The following FARP1 variants were observed in gnomAD, a reference collection of about 807,000 sequenced individuals.
FARP1 encodes FERM, ARHGEF and pleckstrin domain-containing protein 1.
FARP1 carries 52 observed loss-of-function variants against 128.8 expected under a neutral mutation model. That is an observed-to-expected ratio of 0.40 (90% CI 0.32 to 0.51). The LOEUF is 0.51. Among genes scored for constraint, FARP1 ranks in the 20% least tolerant of loss-of-function variants. The pLI, the probability that FARP1 is intolerant of heterozygous loss-of-function variation, is 0.45. For synonymous variants in FARP1, 580 were observed against 551.8 expected, an observed-to-expected ratio of 1.05 and a Z score of -0.72; for missense variants, 1,333 against 1,367.9, an observed-to-expected ratio of 0.97 and a Z score of 0.40.
intron 13 of FARP1, chr13:98,398,277 C>A (rs558994622): frequency 6.6e-6 from 1 of 152,118 alleles, no homozygotes; most frequent in African/African-American, 2.4e-5. Flanking sequence ...ATTGTTGGAT[C>A]GTTTGAGAGT....
At chr13:98,201,006 T>C (rs1365638689) in intron 1 of FARP1, among the ~76,000 whole-genome samples, 5 of 152,374 alleles carry the variant, frequency 3.3e-5, no homozygotes, top group African/African-American at 4.8e-5. Flanking sequence ...GTAATTGGGA[T>C]AGCCATTGTC....
intron 1 of FARP1, among the ~76,000 whole-genome samples, chr13:98,200,945 G>A (rs1233459884): frequency 6.6e-6 from 1 of 152,076 alleles, no homozygotes; most frequent in Non-Finnish European, 1.5e-5. Flanking sequence ...TATTTTTGAG[G>A]TACATGTGAT....
intron 2 of FARP1, among the ~76,000 whole-genome samples, chr13:98,343,505 A>G (rs1325556908): frequency 6.6e-6 from 1 of 152,244 alleles, no homozygotes; most frequent in Non-Finnish European, 1.5e-5. Flanking sequence ...GATTAATTGA[A>G]TAAGGTGGGA....
chr13:98,375,351 A>T (rs887677247), intron 5 of FARP1, among the ~76,000 whole-genome samples: 5 of 152,172 alleles, frequency 3.3e-5, no homozygotes, highest in African/African-American at 1.2e-4. Context: ...TAATTCTATT[A>T]TTCTTGCTAT....
chr13:98,148,891 C>CT (rs112202329), intron 1 of FARP1, among the ~76,000 whole-genome samples: 3,645 of 145,978 alleles, frequency 0.025, 53 homozygotes, highest in African/African-American at 0.055. Flanking sequence ...CTCTCTTTTA[C>CT]TTTTTTTTTT....
intron 5 of FARP1, among the ~76,000 whole-genome samples, chr13:98,375,090 G>T (rs1381836393): frequency 6.6e-6 from 1 of 152,224 alleles, no homozygotes; most frequent in Non-Finnish European, 1.5e-5. Flanking sequence ...ATTCATTCTA[G>T]GGCTTGACTG....
At chr13:98,252,180 G>A (rs1037219182) in intron 2 of FARP1, among the ~76,000 whole-genome samples, 1 of 152,098 alleles carries the variant, frequency 6.6e-6, no homozygotes, top group African/African-American at 2.4e-5. Context: ...TTAATAATAT[G>A]TATTATATTA....
At position 98,450,032 on chromosome 13, in the gene FARP1, T is replaced by A. The variant is rs1893111947; in HGVS notation, c.*1715T>A. The A allele has an allele frequency of 7.1e-6, 1 of 139,940 alleles. No homozygotes were observed. The highest frequency in any genetic ancestry group is 1.6e-5 in the Non-Finnish European group (1 of 61,738). 8.7% of individuals were successfully genotyped at this position (139,940 alleles called of 1,614,324 possible). A position where few individuals can be genotyped will look rare whatever the true frequency, so the allele number is the denominator to read the frequency against. On this transcript the variant is annotated 3_prime_UTR_variant, in exon 27 of 27. Coordinates refer to ENST00000319562, the MANE Select transcript of FARP1 (RefSeq NM_005766.4). ...ACAAGGCAGTCTCCTCAGCTATTTA[T>A]TTCTGAATGATTGATTGATTCCAAA...
chr13:98,377,746 C>T, intron 5 of FARP1, 75 bp from the exon 6 acceptor site: 3 of 1,059,098 alleles, frequency 2.8e-6, no homozygotes, highest in African/African-American at 1.6e-5. Flanking sequence ...TCTCCTTGGC[C>T]TCTCATGGTG....
At chr13:98,324,855 GAC>G (rs1404904650) in intron 2 of FARP1, among the ~76,000 whole-genome samples, 1 of 152,220 alleles carries the variant, frequency 6.6e-6, no homozygotes, top group African/African-American at 2.4e-5. Context: ...ACACAGCGAA[GAC>G]CTTCTGACCT....
chr13:98,346,700 G>T (rs1183543244), intron 3 of FARP1, among the ~76,000 whole-genome samples: 1 of 152,056 alleles, frequency 6.6e-6, no homozygotes, highest in African/African-American at 2.4e-5. Context: ...AGCTGAGATC[G>T]TTCCACTGCA....
intron 2 of FARP1, among the ~76,000 whole-genome samples, chr13:98,223,310 A>G (rs1881541427): frequency 6.6e-6 from 1 of 152,210 alleles, no homozygotes; most frequent in Non-Finnish European, 1.5e-5. Flanking sequence ...AGTGTTGCCA[A>G]AAGAAGGCAT....
At chr13:98,288,148 G>T (rs1885284376) in intron 2 of FARP1, among the ~76,000 whole-genome samples, 1 of 152,182 alleles carries the variant, frequency 6.6e-6, no homozygotes, top group Non-Finnish European at 1.5e-5. Context: ...CAAAACCCAT[G>T]CAGTCCCTGT....
chr13:98,185,987 C>A (rs182366552), intron 1 of FARP1, among the ~76,000 whole-genome samples: 3 of 152,254 alleles, frequency 2.0e-5, no homozygotes, highest in Admixed American at 1.3e-4. Flanking sequence ...CGTGAGCCAC[C>A]GCGTCCGGCC....
intron 1 of FARP1, among the ~76,000 whole-genome samples, chr13:98,156,295 T>C (rs1876491926): frequency 6.6e-6 from 1 of 152,242 alleles, no homozygotes; most frequent in Non-Finnish European, 1.5e-5. Flanking sequence ...TTTGTATTAT[T>C]AAACCATGAA....
intron 1 of FARP1, among the ~76,000 whole-genome samples, chr13:98,186,999 A>AG (rs1878923263): frequency 7.4e-6 from 1 of 134,322 alleles, no homozygotes; most frequent in South Asian, 2.3e-4. Flanking sequence ...CTCAAAAAAA[A>AG]AAAAAAAAAA....
chr13:98,422,006 G>T (rs574665616), intron 16 of FARP1, among the ~76,000 whole-genome samples: 1 of 152,154 alleles, frequency 6.6e-6, no homozygotes, highest in African/African-American at 2.4e-5. Context: ...GCATTACCTG[G>T]GTCAGCCGTG....
chr13:98,424,610 G>C lies in FARP1; in HGVS notation c.1865G>C (p.Arg622Thr). 4 of 1,614,002 alleles carry C rather than the reference G, an allele frequency of 2.5e-6. No homozygotes were observed. Among genetic ancestry groups the C allele is most frequent in the Non-Finnish European group, 3.4e-6 (4 of 1,179,874 alleles). The stretch of plus-strand genomic sequence containing the variant: ...AATGCCCAAATCAGAGATTACCAAA[G>C]AATCGGCGATGTCATGCTGAAGAAC... ...RSNAQIRDYQ[R>T]IGDVMLKNIQ... The change falls in exon 17 of 27, where the codon AGA (arginine) becomes ACA (threonine). Residue 622 changes from arginine to threonine, a missense_variant. By Grantham distance (71) the Arg-to-Thr change is moderately conservative. Around this residue, in one of 2 missense-constraint regions of FARP1, gnomAD observed 1,009 missense variants for 969.8 expected, o/e 1.04. Transcript: ENST00000319562.
At chr13:98,302,602 A>T (rs900241154) in intron 2 of FARP1, among the ~76,000 whole-genome samples, 3 of 152,200 alleles carry the variant, frequency 2.0e-5, no homozygotes, top group East Asian at 3.9e-4. Flanking sequence ...TTTTACCTAT[A>T]ACATCGTTGT....
Sources: allele counts gnomAD v4.1 joint callset (sites outside exome capture counted in the v4.1 genomes callset), GRCh38; gene constraint gnomAD v4.1.1; regional missense constraint gnomAD v4.1.1; transcripts MANE v1.5; gene names NCBI Gene and HGNC (gene_info 2026-07-23, HGNC 2026-07-21).